Variants in TTC12 observed in about 807,000 individuals in gnomAD.
The protein encoded by TTC12 is tetratricopeptide repeat domain 12.
A neutral mutation model predicts 90.1 loss-of-function variants in TTC12; 70 were observed. That is an observed-to-expected ratio of 0.78 (90% confidence interval 0.64 to 0.95). The LOEUF (loss-of-function observed/expected upper bound fraction) is 0.95, where lower values mean the gene tolerates loss of function less well. Ranked by LOEUF, TTC12 falls within the 40% of genes least tolerant of loss-of-function variation. The probability of loss-of-function intolerance (pLI) is 0.00; values close to 1 mark genes in which losing one functional copy is unlikely to be tolerated. For missense variants in TTC12, 819 were observed against 846.1 expected, an observed-to-expected ratio of 0.97 and a Z score of 0.40; for synonymous variants, 296 against 311.5, an observed-to-expected ratio of 0.95 and a Z score of 0.53.
At position 113,341,903 on chromosome 11, in the gene TTC12, G is replaced by T; in HGVS notation, c.963G>T (p.Trp321Cys). Residue 321 changes from tryptophan to cysteine, a missense_variant, in exon 12 of 22, where the codon TGG (tryptophan) becomes TGT (cysteine). Trp to Cys is a radical substitution (Grantham distance 215, BLOSUM62 -2). Coordinates refer to ENST00000529221, the MANE Select transcript of TTC12 (RefSeq NM_017868.4). ...TCTGTGTGTCTGTTCTCAAGCTCTGGCAAGCAGTGTGCAGCAGGAACGGTA... is the reference window on the plus strand; with the variant it reads ...TCTGTGTGTCTGTTCTCAAGCTCTGTCAAGCAGTGTGCAGCAGGAACGGTA... ...EMVCVSVLKLWQAVCSRNEEN... is the reference protein window; with the variant it reads ...EMVCVSVLKLCQAVCSRNEEN... 2 of 1,614,148 alleles carry T rather than the reference G, an allele frequency of 1.2e-6. No individual in the cohort carries two copies. Among genetic ancestry groups the T allele is most frequent in the Non-Finnish European group, 1.7e-6 (2 of 1,180,016 alleles).
intron 4 of TTC12, 88 bp downstream of exon 4, chr11:113,324,103 C>A (rs1331313180): frequency 1.8e-6 from 2 of 1,082,084 alleles, no homozygotes; most frequent in Admixed American, 2.1e-5. Context: ...TAAATTATTG[C>A]CTTTGAGCTT....
At chr11:113,363,599 C>G (rs1385658129) in intron 19 of TTC12, among the ~76,000 whole-genome samples, 1 of 152,186 alleles carries the variant, frequency 6.6e-6, no homozygotes, top group Admixed American at 6.5e-5. Flanking sequence ...GTGTACATGA[C>G]AGGCCTACAT....
rs1365260989 is a variant in TTC12, at chr11:113,351,100, T to G, written c.1248-139T>G. ...ACATACACAGTGACATGCTTTTTTC[T>G]TTTTTTGGTTCTGAATTGTCCATGC... On this transcript the variant is annotated intron_variant, in intron 14 of 21. Transcript: ENST00000529221. 3 of 654,048 alleles carry G rather than the reference T, an allele frequency of 4.6e-6. No homozygotes were observed. In the African/African-American group the frequency reaches 5.4e-5, roughly 12 times the overall value. The allele number at this position is 654,048 out of a possible 1,614,324, so 40.5% of individuals were successfully genotyped here. A position where few individuals can be genotyped will look rare whatever the true frequency, so the allele number is the denominator to read the frequency against.
At chr11:113,347,192 A>G (rs1468739231) in intron 13 of TTC12, among the ~76,000 whole-genome samples, 1 of 152,326 alleles carries the variant, frequency 6.6e-6, no homozygotes, top group Middle Eastern at 3.4e-3. Context: ...TGAAGGATGA[A>G]TCTGAACTAA....
At chr11:113,353,204 T>G (rs1459299942) in intron 16 of TTC12, among the ~76,000 whole-genome samples, 1 of 152,262 alleles carries the variant, frequency 6.6e-6, no homozygotes, top group Non-Finnish European at 1.5e-5. Context: ...TGATTTGCAT[T>G]TCACTAATGA....
At chr11:113,352,990 A>G (rs1277238002) in intron 16 of TTC12, among the ~76,000 whole-genome samples, 1 of 152,298 alleles carries the variant, frequency 6.6e-6, no homozygotes, top group African/African-American at 2.4e-5. Flanking sequence ...TGCTGGGTCA[A>G]ATGGTATCTC....
At chr11:113,358,535 T>A (rs1378443011) in intron 16 of TTC12, among the ~76,000 whole-genome samples, 1 of 152,176 alleles carries the variant, frequency 6.6e-6, no homozygotes, top group Non-Finnish European at 1.5e-5. Flanking sequence ...CAAGTTGGAC[T>A]GGCCCTGTTT....
Position 113,359,365 on chromosome 11 carries a change from C to A in TTC12, c.1449C>A (p.Ala483=). The A allele has an allele frequency of 6.2e-7, 1 of 1,603,310 alleles. No individual in the cohort carries two copies. Among genetic ancestry groups the A allele is most frequent in the Non-Finnish European group, 8.5e-7 (1 of 1,171,724 alleles). Residue 483 remains alanine (A), a splice_region_variant and synonymous_variant, in exon 17 of 22, where the codon GCC becomes GCA. Transcript: ENST00000529221. The part of the protein sequence containing the change: ...EFGDGCLSLL[A]RCEEDVDLFR... ...GTTACCTTGTTTTGTTTCCCAAGGC[C>A]AGGTGTGAGGAGGATGTGGACCTGT...
intron 2 of TTC12, among the ~76,000 whole-genome samples, chr11:113,318,169 T>A (rs530354675): frequency 6.6e-6 from 1 of 152,390 alleles, no homozygotes; most frequent in South Asian, 2.1e-4. Flanking sequence ...ATTCTTTTCA[T>A]GGTATTAATA....
intron 18 of TTC12, 68 bp downstream of exon 18, chr11:113,360,076 T>TTTG: frequency 8.3e-7 from 1 of 1,199,080 alleles, no homozygotes; most frequent in Non-Finnish European, 1.2e-6. Flanking sequence ...TTTGTTTTGT[T>TTTG]TTATTATCAG....
downstream of TTC12, among the ~76,000 whole-genome samples, chr11:113,367,918 A>T (rs1294621698): frequency 6.6e-6 from 1 of 152,278 alleles, no homozygotes; most frequent in African/African-American, 2.4e-5. Flanking sequence ...TGAATTGCAA[A>T]GGGAGAACGG....
downstream of TTC12, chr11:113,368,216 T>C: frequency 2.7e-6 from 4 of 1,497,330 alleles, no homozygotes; most frequent in Non-Finnish European, 3.6e-6. Flanking sequence ...CATCTCCAAT[T>C]TGGAAGAGAG....
downstream of TTC12, among the ~76,000 whole-genome samples, chr11:113,367,682 C>T (rs1020423619): frequency 1.5e-4 from 23 of 151,700 alleles, no homozygotes; most frequent in Non-Finnish European, 1.9e-4. Context: ...TTAAGAACTT[C>T]GTTTCTGAAA....
intron 18 of TTC12, among the ~76,000 whole-genome samples, chr11:113,361,336 C>T (rs1949911170): frequency 6.6e-6 from 1 of 152,280 alleles, no homozygotes; most frequent in Non-Finnish European, 1.5e-5. Context: ...AGTGAACAGG[C>T]AATGGTTACC....
intron 16 of TTC12, among the ~76,000 whole-genome samples, chr11:113,354,244 C>T (rs1288789278): frequency 6.6e-6 from 1 of 152,066 alleles, no homozygotes; most frequent in Admixed American, 6.5e-5. Context: ...GATTGCGTTT[C>T]TCATTTGGCT....
At chr11:113,363,646 G>A (rs913766832) in intron 19 of TTC12, among the ~76,000 whole-genome samples, 182 bp from the exon 20 acceptor site, 2 of 152,178 alleles carry the variant, frequency 1.3e-5, no homozygotes, top group Admixed American at 6.5e-5. Context: ...GAGAGGATGC[G>A]GGTGACACTC....
At chr11:113,361,659 C>T (rs886247019) in intron 18 of TTC12, among the ~76,000 whole-genome samples, 11 of 152,100 alleles carry the variant, frequency 7.2e-5, no homozygotes, top group African/African-American at 1.4e-4. Context: ...TTCTAGTATA[C>T]GGGGGTGCCA....
At chr11:113,348,835 G>A (rs1394283473) in intron 13 of TTC12, among the ~76,000 whole-genome samples, 1 of 152,218 alleles carries the variant, frequency 6.6e-6, no homozygotes, top group African/African-American at 2.4e-5. Context: ...GGCCCTAGAA[G>A]GCCCCCAGGA....
intron 6 of TTC12, among the ~76,000 whole-genome samples, chr11:113,326,366 G>A (rs1293186985): frequency 6.6e-6 from 1 of 152,112 alleles, no homozygotes; most frequent in African/African-American, 2.4e-5. Context: ...GTTCTCTGCT[G>A]GACAGGCCTG....
Sources: gnomAD v4.1 joint callset for allele counts (sites outside exome capture counted in the v4.1 genomes callset) on GRCh38, gnomAD v4.1.1 for gene constraint, MANE v1.5 for transcripts, NCBI Gene and HGNC (gene_info 2026-07-23, HGNC 2026-07-21) for gene names.